The following SLC9C1 variants were observed in gnomAD, a reference collection of about 807,000 sequenced individuals.
SLC9C1 encodes the protein solute carrier family 9 member C1.
SLC9C1 carries 97 observed loss-of-function variants against 140.9 expected under a neutral mutation model. The observed-to-expected ratio is 0.69, with a 90% CI of 0.58 to 0.82. SLC9C1 has a LOEUF of 0.82. SLC9C1 is among the 40% of genes least tolerant of loss of function. SLC9C1 has a pLI of 0.00. For missense variants in SLC9C1, 1,340 were observed against 1,389.3 expected (o/e 0.96, Z 0.56); for synonymous variants, 440 against 442.6 (o/e 0.99, Z 0.07).
chr3:112,211,574 C>T lies in SLC9C1; in HGVS notation c.1791-3201G>A, dbSNP rs190965348. 2.5e-3 allele frequency among the ~76,000 whole-genome samples: 382 copies of T among 152,114 alleles called. 1 individual carries two copies. Among genetic ancestry groups the T allele is most frequent in the Middle Eastern group, 0.014 (4 of 294 alleles). ...AGGAGATTATATCCCGCACCTGGCT[C>T]GGAGGGTCCCACGCCCACGGAGCCT... On this transcript the variant is annotated intron_variant, in intron 15 of 28. Coordinates refer to ENST00000305815, the MANE Select transcript of SLC9C1 (RefSeq NM_183061.3).
In SLC9C1 at chr3:112,278,812, A is replaced by G. The variant is rs1410759395; in HGVS notation, c.235T>C (p.Phe79Leu). The G allele has an allele frequency of 2.5e-6, 4 of 1,611,406 alleles. No homozygotes were observed. Among genetic ancestry groups the G allele is most frequent in the African/African-American group, 1.3e-5 (1 of 74,882 alleles). The change falls in exon 4 of 29, where the codon TTT (phenylalanine) becomes CTT (leucine). Residue 79 changes from phenylalanine (F) to leucine (L), a missense_variant. Phe to Leu is a conservative substitution (Grantham distance 22). Coordinates refer to ENST00000305815, the MANE Select transcript of SLC9C1 (RefSeq NM_183061.3). ...ACTACTGGTGTAAATATACGAAAAA[A>G]TAAGTCTGGACTCATCCATTGTATG... ...NAIQWMSPDL[F>L]FRIFTPVVFF...
chr3:112,265,698 G>A (rs2079899394), intron 8 of SLC9C1, among the ~76,000 whole-genome samples: 1 of 151,972 alleles, frequency 6.6e-6, no homozygotes, highest in Non-Finnish European at 1.5e-5. Context: ...GGCACAATTT[G>A]CACTTTTCCA....
intron 16 of SLC9C1, among the ~76,000 whole-genome samples, chr3:112,206,480 A>G (rs2078052755): frequency 6.6e-6 from 1 of 152,168 alleles, no homozygotes; most frequent in Non-Finnish European, 1.5e-5. Flanking sequence ...TGACCCAGCC[A>G]TCCCATTACT....
At chr3:112,277,020 G>T (rs2080233030) in intron 5 of SLC9C1, among the ~76,000 whole-genome samples, 1 of 152,052 alleles carries the variant, frequency 6.6e-6, no homozygotes, top group Non-Finnish European at 1.5e-5. Flanking sequence ...GTGCAAATGT[G>T]TGCATGGGTT....
chr3:112,148,683 G>A (rs2074873332), intron 28 of SLC9C1, among the ~76,000 whole-genome samples: 2 of 152,152 alleles, frequency 1.3e-5, no homozygotes, highest in African/African-American at 4.8e-5. Flanking sequence ...GTGTTTACTG[G>A]CAGAAACTAT....
At chr3:112,201,766 T>G (rs1246506921) in intron 18 of SLC9C1, among the ~76,000 whole-genome samples, 3 of 152,034 alleles carry the variant, frequency 2.0e-5, no homozygotes, top group Non-Finnish European at 4.4e-5. Context: ...TCTATTTTAA[T>G]TATTGTTTTC....
intron 26 of SLC9C1, among the ~76,000 whole-genome samples, chr3:112,165,784 C>G (rs1352557519): frequency 6.6e-6 from 1 of 152,236 alleles, no homozygotes; most frequent in African/African-American, 2.4e-5. Flanking sequence ...AGAACCACTA[C>G]TCTCTTCAAA....
intron 24 of SLC9C1, 36 bp downstream of exon 24, chr3:112,169,161 A>G: frequency 6.3e-7 from 1 of 1,599,792 alleles, no homozygotes; most frequent in Non-Finnish European, 8.5e-7. Context: ...ATTCCATTCA[A>G]AGAAAGAAAG....
intron 28 of SLC9C1, among the ~76,000 whole-genome samples, chr3:112,142,752 G>A (rs1486896345): frequency 6.6e-6 from 1 of 152,036 alleles, no homozygotes; most frequent in African/African-American, 2.4e-5. Context: ...TTTTATTTTA[G>A]ATTCCAGGGA....
At chr3:112,154,312 C>T (rs1008214906) in intron 27 of SLC9C1, among the ~76,000 whole-genome samples, 3 of 152,058 alleles carry the variant, frequency 2.0e-5, no homozygotes, top group Non-Finnish European at 2.9e-5. Flanking sequence ...GGAGTCCATA[C>T]GATTCAGACA....
At chr3:112,177,005 C>CTT (rs57879370) in intron 23 of SLC9C1, among the ~76,000 whole-genome samples, 30,364 of 104,166 alleles carry the variant, frequency 0.29, 4,331 homozygotes, top group East Asian at 0.37. Flanking sequence ...CTCTCTCTCT[C>CTT]TTTTTTTTTT....
Position 112,280,900 on chromosome 3 carries a change from G to A in SLC9C1, c.89-117C>T, listed in dbSNP as rs188914415. On this transcript the variant is annotated intron_variant, in intron 2 of 28. Transcript: ENST00000305815. ...CTTACAGTTTCACTACTTTTCATGAGTTTAAAATCCTCCCTCACACTTATC... is the reference window on the plus strand; with the variant it reads ...CTTACAGTTTCACTACTTTTCATGAATTTAAAATCCTCCCTCACACTTATC... 134 of 468,618 alleles carry A rather than the reference G, an allele frequency of 2.9e-4. No homozygotes were observed. The African/African-American group carries it at 2.9e-3, about 10-fold the overall frequency. The allele number at this position is 468,618 out of a possible 1,614,324, so 29.0% of individuals were successfully genotyped here.
chr3:112,283,843 CAAAAAAA>C (rs386397631), intron 2 of SLC9C1, among the ~76,000 whole-genome samples: 3 of 111,970 alleles, frequency 2.7e-5, no homozygotes, highest in Non-Finnish European at 1.8e-5. Context: ...AATCACTGTG[CAAAAAAA>C]AAAAAAAAAA....
At chr3:112,224,857 CA>C (rs1292634950) in intron 13 of SLC9C1, among the ~76,000 whole-genome samples, 2 of 151,176 alleles carry the variant, frequency 1.3e-5, no homozygotes, top group Non-Finnish European at 3.0e-5. Flanking sequence ...AAGAGCGAGC[CA>C]AAGAACCCAA....
intron 10 of SLC9C1, among the ~76,000 whole-genome samples, chr3:112,255,148 A>G (rs1322952691): frequency 6.6e-6 from 1 of 152,036 alleles, no homozygotes; most frequent in Non-Finnish European, 1.5e-5. Context: ...AGACTTTCAC[A>G]CTCCACGGAC....
chr3:112,176,451 C>G (rs2077338362), intron 23 of SLC9C1, among the ~76,000 whole-genome samples: 1 of 152,190 alleles, frequency 6.6e-6, no homozygotes, highest in Non-Finnish European at 1.5e-5. Context: ...TGTTGGCCAC[C>G]TCTCTCCAGA....
intron 2 of SLC9C1, among the ~76,000 whole-genome samples, chr3:112,282,977 C>A (rs569879940): frequency 6.6e-6 from 1 of 152,182 alleles, no homozygotes; most frequent in African/African-American, 2.4e-5. Flanking sequence ...GTTTATAGCC[C>A]TTAACAAACA....
intron 23 of SLC9C1, among the ~76,000 whole-genome samples, chr3:112,169,676 C>G (rs769061963): frequency 2.0e-5 from 3 of 152,074 alleles, no homozygotes; most frequent in African/African-American, 7.2e-5. Flanking sequence ...ATTCCCCCAG[C>G]TTTGTTCTTT....
rs755147870 is a variant in SLC9C1 at position 112,169,255 on chromosome 3, C to T, written c.2993G>A (p.Trp998Ter). ...QCSPLIKQKM[W>*]LKLGLAITAR... ...TGTAATAGCGAGTCCAAGTTTTAGC[C>T]ACATTTTTTGTTTAATGAGAGGAGA... is the stretch of plus-strand genomic sequence containing the variant. The change falls in exon 24 of 29, where the codon TGG becomes TAG. Residue 998 changes from tryptophan to a stop codon, truncating the protein, a stop_gained. Coordinates refer to ENST00000305815, the MANE Select transcript of SLC9C1 (RefSeq NM_183061.3). LOFTEE classifies it high-confidence loss of function. The T allele has an allele frequency of 6.2e-7, 1 of 1,613,474 alleles. No individual in the cohort carries two copies. Among genetic ancestry groups the T allele is most frequent in the Non-Finnish European group, 8.5e-7 (1 of 1,179,738 alleles).
Sources: gnomAD v4.1 joint callset for allele counts (sites outside exome capture counted in the v4.1 genomes callset) on GRCh38, gnomAD v4.1.1 for gene constraint, MANE v1.5 for transcripts, NCBI Gene and HGNC (gene_info 2026-07-23, HGNC 2026-07-21) for gene names.